The following ZRANB3 variants were observed in gnomAD, a reference collection of about 807,000 sequenced individuals.
ZRANB3 encodes zinc finger RANBP2-type containing 3, also known as DNA annealing helicase and endonuclease ZRANB3.
A neutral mutation model predicts 133.8 loss-of-function variants in ZRANB3; 125 were observed. The observed-to-expected ratio is 0.93, with a 90% CI of 0.81 to 1.08. The LOEUF (loss-of-function observed/expected upper bound fraction) is 1.08, where lower values mean the gene tolerates loss of function less well. Among genes scored for constraint, ZRANB3 ranks in the 50% least tolerant of loss-of-function variants. ZRANB3 has a pLI of 0.00. For synonymous variants in ZRANB3, 387 were observed against 432.7 expected (o/e 0.89, Z 1.31); for missense variants, 1,229 against 1,275.5 (o/e 0.96, Z 0.56).
intron 1 of ZRANB3, among the ~76,000 whole-genome samples, chr2:135,519,808 G>A (rs1364590936): frequency 1.3e-5 from 2 of 152,078 alleles, no homozygotes; most frequent in South Asian, 2.1e-4. Flanking sequence ...GGGAAGTACT[G>A]GGTGTTAAGG....
intron 2 of ZRANB3, among the ~76,000 whole-genome samples, chr2:135,426,563 C>T (rs1381431073): frequency 2.6e-5 from 4 of 151,812 alleles, no homozygotes; most frequent in Non-Finnish European, 5.9e-5. Context: ...GGCACGGTGG[C>T]TCATGCCTGT....
At chr2:135,522,538 G>A (rs530580861) in intron 1 of ZRANB3, among the ~76,000 whole-genome samples, 3 of 152,120 alleles carry the variant, frequency 2.0e-5, no homozygotes, top group Admixed American at 6.5e-5. Context: ...GGTAGCTCAC[G>A]CCTGTAATCC....
intron 2 of ZRANB3, among the ~76,000 whole-genome samples, chr2:135,503,127 T>C (rs1353327531): frequency 6.6e-6 from 1 of 152,204 alleles, no homozygotes; most frequent in African/African-American, 2.4e-5. Flanking sequence ...TATAAGAGTA[T>C]ATGCATTTGT....
intron 14 of ZRANB3, among the ~76,000 whole-genome samples, chr2:135,227,237 T>C (rs1462424627): frequency 6.6e-6 from 1 of 152,176 alleles, no homozygotes; most frequent in Non-Finnish European, 1.5e-5. Context: ...GGCTAGTATT[T>C]GCTAACCATC....
chr2:135,367,324 G>A (rs1279790367), intron 3 of ZRANB3, among the ~76,000 whole-genome samples: 11 of 152,216 alleles, frequency 7.2e-5, no homozygotes, highest in African/African-American at 9.6e-5. Context: ...TGGCAGCCAC[G>A]TCCCCGTGTA....
At chr2:135,451,105 C>T (rs532008343) in intron 2 of ZRANB3, among the ~76,000 whole-genome samples, 2 of 152,302 alleles carry the variant, frequency 1.3e-5, no homozygotes, top group East Asian at 3.9e-4. Flanking sequence ...AAATTAAATA[C>T]TGCTTTAGTC....
intron 2 of ZRANB3, among the ~76,000 whole-genome samples, chr2:135,391,197 C>A (rs905018182): frequency 6.6e-6 from 1 of 152,074 alleles, no homozygotes; most frequent in Non-Finnish European, 1.5e-5. Flanking sequence ...AAGTAGCTTG[C>A]CAGAAAATAG....
intron 17 of ZRANB3, among the ~76,000 whole-genome samples, chr2:135,215,957 C>T (rs183418231): frequency 4.5e-4 from 68 of 152,164 alleles, no homozygotes; most frequent in African/African-American, 1.6e-3. Flanking sequence ...TCCTACGGGA[C>T]CAAATTGCTC....
chr2:135,252,368 G>T (rs1276538905), intron 12 of ZRANB3, among the ~76,000 whole-genome samples: 1 of 151,896 alleles, frequency 6.6e-6, no homozygotes, highest in Non-Finnish European at 1.5e-5. Flanking sequence ...ATAAAGAAAA[G>T]ATTAAAAAGA....
At chr2:135,294,438 G>A (rs1681927715) in intron 8 of ZRANB3, among the ~76,000 whole-genome samples, 1 of 152,082 alleles carries the variant, frequency 6.6e-6, no homozygotes, top group African/African-American at 2.4e-5. Context: ...GATCGGCGGT[G>A]ATATCCCCTT....
intron 6 of ZRANB3, among the ~76,000 whole-genome samples, chr2:135,339,861 G>A (rs72982391): frequency 0.044 from 6,730 of 151,760 alleles, 499 homozygotes; most frequent in African/African-American, 0.16. Flanking sequence ...TCTTTAATTC[G>A]CAACACATAA....
At chr2:135,376,494 A>G (rs956894756) in intron 3 of ZRANB3, among the ~76,000 whole-genome samples, 1 of 152,238 alleles carries the variant, frequency 6.6e-6, no homozygotes, top group African/African-American at 2.4e-5. Flanking sequence ...ATACAATGCA[A>G]TATAAATCAG....
chr2:135,496,979 CAATA>C (rs1338910326), intron 2 of ZRANB3, among the ~76,000 whole-genome samples: 1 of 151,884 alleles, frequency 6.6e-6, no homozygotes, highest in East Asian at 1.9e-4. Context: ...TAAGAGAATC[CAATA>C]AATTAATTAA....
chr2:135,443,885 G>A (rs1339052892), intron 2 of ZRANB3, among the ~76,000 whole-genome samples: 1 of 152,084 alleles, frequency 6.6e-6, no homozygotes, highest in South Asian at 2.1e-4. Flanking sequence ...TTCAAATCTT[G>A]TATTTGATAA....
chr2:135,515,595 T>C (rs1271521230), intron 1 of ZRANB3, among the ~76,000 whole-genome samples: 4 of 152,214 alleles, frequency 2.6e-5, no homozygotes, highest in African/African-American at 7.2e-5. Context: ...TGTGCGGTTT[T>C]GAGTGAGTTT....
rs561736097 is a variant in ZRANB3 at position 135,328,807 on chromosome 2, T to C, written c.678-13277A>G. Among the ~76,000 whole-genome samples the C allele has an allele frequency of 2.4e-4, 36 of 152,352 alleles. No individual in the cohort carries two copies. The South Asian group carries it at 5.8e-3, about 25-fold the overall frequency. On this transcript the variant is annotated intron_variant, in intron 6 of 20. Coordinates refer to ENST00000264159, the MANE Select transcript of ZRANB3 (RefSeq NM_032143.4). Reference sequence around the variant, plus strand: ...GTGGTTTTGATTTGCATTCCTCTGATGAGCAGTGATGATGAGCATTTTTTC... The same window carrying C: ...GTGGTTTTGATTTGCATTCCTCTGACGAGCAGTGATGATGAGCATTTTTTC...
intron 2 of ZRANB3, among the ~76,000 whole-genome samples, chr2:135,421,249 G>C (rs1688830328): frequency 6.6e-6 from 1 of 152,134 alleles, no homozygotes; most frequent in African/African-American, 2.4e-5. Context: ...TTGTGTAGCT[G>C]TTGGCACACC....
intron 2 of ZRANB3, among the ~76,000 whole-genome samples, chr2:135,442,002 C>G (rs980849711): frequency 1.3e-5 from 2 of 152,054 alleles, no homozygotes; most frequent in African/African-American, 4.8e-5. Flanking sequence ...ATGTAGAAAG[C>G]TGAAACTGGA....
At chr2:135,522,330 A>G (rs1347157719) in intron 1 of ZRANB3, among the ~76,000 whole-genome samples, 2 of 152,154 alleles carry the variant, frequency 1.3e-5, no homozygotes, top group Non-Finnish European at 2.9e-5. Flanking sequence ...GGAGGCCAAC[A>G]GCTTGAGGCT....
Sources: allele counts gnomAD v4.1 joint callset (sites outside exome capture counted in the v4.1 genomes callset), GRCh38; gene constraint gnomAD v4.1.1; transcripts MANE v1.5; gene names NCBI Gene and HGNC (gene_info 2026-07-23, HGNC 2026-07-21).